The following AMN1 variants were observed in gnomAD, a reference collection of about 807,000 sequenced individuals.
AMN1 encodes the protein antagonist of mitotic exit network 1 homolog, also known as protein AMN1 homolog.
Under a neutral mutation model 33.0 loss-of-function variants are expected in AMN1, and 20 were observed. That is an observed-to-expected ratio of 0.61 (90% CI 0.43 to 0.88). The LOEUF (loss-of-function observed/expected upper bound fraction) is 0.88. Ranked by LOEUF, AMN1 falls within the 40% of genes least tolerant of loss-of-function variation. The pLI is 0.00. For synonymous variants in AMN1, 114 were observed against 111.9 expected (o/e 1.02, Z -0.12); for missense variants, 246 against 307.4 (o/e 0.80, Z 1.49).
Position 31,697,900 on chromosome 12 carries a change from C to T in AMN1, c.374G>A (p.Cys125Tyr). ...SYLHEASLKR[C>Y]CNLTDEGVVA... ...GACTCCTTCGTCAGTGAGATTGCAG[C>T]ATCTTTTCAAAGAAGCTTCGTGTAG... Residue 125 changes from cysteine (C) to tyrosine (Y), a missense_variant, in exon 4 of 7, where the codon TGC becomes TAC. Physicochemically the swap from Cys to Tyr is radical, Grantham distance 194. Coordinates refer to ENST00000281471, the MANE Select transcript of AMN1 (RefSeq NM_001113402.2). 6.2e-7 allele frequency: 1 copy of T among 1,613,976 alleles called. No homozygotes were observed. Among genetic ancestry groups the T allele is most frequent in the Non-Finnish European group, 8.5e-7 (1 of 1,179,884 alleles).
chr12:31,687,759 A>G lies in AMN1; in HGVS notation c.703+1248T>C, dbSNP rs1262155861. The stretch of plus-strand genomic sequence containing the variant: ...GAAAAATGAGCTGGAAGGACTGGGC[A>G]TAACTACTGATTTACAAGTTAGATC... On this transcript the variant is annotated intron_variant, in intron 6 of 6. Coordinates refer to ENST00000281471, the MANE Select transcript of AMN1 (RefSeq NM_001113402.2). The surrounding 1 kb of genome is among the most constrained non-coding windows in gnomAD (Gnocchi z 4.1). Among the ~76,000 whole-genome samples, 3 of 152,126 alleles carry G rather than the reference A, an allele frequency of 2.0e-5. No homozygotes were observed. The highest frequency in any genetic ancestry group is 4.4e-5 in the Non-Finnish European group (3 of 68,030).
In AMN1 at chr12:31,686,321, T is replaced by A. The variant is rs576715860; in HGVS notation, c.703+2686A>T. ...TTAGCTGGGTAGGGTGGTGCAAGCC[T>A]GTAATCCCAGCTACTTGGGAGGCTG... is the stretch of plus-strand genomic sequence containing the variant. On this transcript the variant is annotated intron_variant, in intron 6 of 6. Coordinates refer to ENST00000281471, the MANE Select transcript of AMN1 (RefSeq NM_001113402.2). Among the ~76,000 whole-genome samples, 17 of 152,228 alleles carry A rather than the reference T, an allele frequency of 1.1e-4. No individual in the cohort carries two copies. In the South Asian group the frequency reaches 3.1e-3, roughly 28 times the overall value.
chr12:31,707,332 G>C lies in AMN1; in HGVS notation c.171+1961C>G, dbSNP rs912355236. Among the ~76,000 whole-genome samples, 4 of 152,208 alleles carry C rather than the reference G, an allele frequency of 2.6e-5. No individual in the cohort carries two copies. In the East Asian group the frequency reaches 5.8e-4, roughly 22 times the overall value. ...AAAGTTTTAAACTTTTTGAAAACAC[G>C]GAGGTCAAGGGTACAGGTACCATGA... is the stretch of plus-strand genomic sequence containing the variant. On this transcript the variant is annotated intron_variant, in intron 2 of 6. Transcript: ENST00000281471.
At chr12:31,682,432 G>C (rs1044698744) in intron 6 of AMN1, among the ~76,000 whole-genome samples, 2 of 151,242 alleles carry the variant, frequency 1.3e-5, no homozygotes, top group Non-Finnish European at 2.9e-5. Context: ...CTACTCAGAA[G>C]GGGGAGGGTA....
At chr12:31,726,158 T>C (rs1281289301) in intron 1 of AMN1, among the ~76,000 whole-genome samples, 1 of 70,530 alleles carries the variant, frequency 1.4e-5, no homozygotes, top group Non-Finnish European at 2.8e-5. Context: ...AAAAGAGTAA[T>C]TTCTTTTTTT....
chr12:31,683,077 G>A lies in AMN1; in HGVS notation c.703+5930C>T, dbSNP rs558711593. Among the ~76,000 whole-genome samples the A allele has an allele frequency of 3.8e-4, 57 of 151,340 alleles. No homozygotes were observed. Among genetic ancestry groups the A allele is most frequent in the Non-Finnish European group, 5.7e-4 (39 of 67,912 alleles). On this transcript the variant is annotated intron_variant, in intron 6 of 6. Transcript: ENST00000281471. The surrounding 1 kb of genome is among the most constrained non-coding windows in gnomAD (Gnocchi z 4.1). Reference sequence around the variant, plus strand: ...CCCCAGGCTCAAGTGATCCTCATGCGTCAGCCATCAGAGTAGCTGGGATTA... The same window carrying A: ...CCCCAGGCTCAAGTGATCCTCATGCATCAGCCATCAGAGTAGCTGGGATTA...
chr12:31,728,954 G>A lies in AMN1; in HGVS notation c.38+17C>T. 3 of 1,543,590 alleles carry A rather than the reference G, an allele frequency of 1.9e-6. No homozygotes were observed. The highest frequency in any genetic ancestry group is 2.6e-6 in the Non-Finnish European group (3 of 1,141,820). ...TGCTGGGGCGGCGCGAAGGGAGGCG[G>A]GACAGGGTAGACTCACAGATCCAGG... On this transcript the variant is annotated intron_variant, in intron 1 of 6. Coordinates refer to ENST00000281471, the MANE Select transcript of AMN1 (RefSeq NM_001113402.2).
At chr12:31,711,178 T>G (rs1939451758) in intron 1 of AMN1, among the ~76,000 whole-genome samples, 1 of 152,012 alleles carries the variant, frequency 6.6e-6, no homozygotes, top group Admixed American at 6.6e-5. Flanking sequence ...CCAGCCCTAT[T>G]TATTTATTTT....
intron 4 of AMN1, 66 bp downstream of exon 4, chr12:31,697,674 C>A: frequency 3.3e-6 from 5 of 1,501,928 alleles, no homozygotes; most frequent in Non-Finnish European, 4.6e-6. Flanking sequence ...GATATGTTCT[C>A]ATTAGTCATG....
chr12:31,678,969 CAGCTTT>C (rs774574214), intron 6 of AMN1, among the ~76,000 whole-genome samples: 18 of 151,940 alleles, frequency 1.2e-4, no homozygotes, highest in Non-Finnish European at 2.4e-4. Flanking sequence ...AGCAAGGAAC[CAGCTTT>C]AATTAAAGGG....
chr12:31,691,402 CA>C (rs566839218), intron 5 of AMN1, among the ~76,000 whole-genome samples: 1 of 151,414 alleles, frequency 6.6e-6, no homozygotes, highest in Non-Finnish European at 1.5e-5. Context: ...GGACCAGAGA[CA>C]AAAAAACAAA....
intron 6 of AMN1, among the ~76,000 whole-genome samples, chr12:31,682,367 G>C (rs1938053963): frequency 6.6e-6 from 1 of 152,130 alleles, no homozygotes; most frequent in African/African-American, 2.4e-5. Flanking sequence ...TTGTATGCCG[G>C]GAAGTCCCTC....
intron 1 of AMN1, among the ~76,000 whole-genome samples, chr12:31,713,240 A>ATC (rs571245943): frequency 1.6e-3 from 243 of 152,244 alleles, no homozygotes; most frequent in Admixed American, 2.9e-3. Flanking sequence ...ATGTATAAGT[A>ATC]TCTCTCTCCA....
rs549985860 is a variant in AMN1, at chr12:31,671,917, C to A, written c.*387G>T. The stretch of plus-strand genomic sequence containing the variant: ...TTAGAAATATGTTTACTTAGATTCT[C>A]CCAAGGTTTATACTTACAGGTAAAC... On this transcript the variant is annotated 3_prime_UTR_variant, in exon 7 of 7. Transcript: ENST00000281471. 1 of 156,950 alleles carries A rather than the reference C, an allele frequency of 6.4e-6. No homozygotes were observed. Among genetic ancestry groups the A allele is most frequent in the African/African-American group, 2.4e-5 (1 of 41,672 alleles). 9.7% of individuals were successfully genotyped at this position (156,950 alleles called of 1,614,324 possible).
intron 5 of AMN1, among the ~76,000 whole-genome samples, chr12:31,693,546 TTTC>T (rs1203368732): frequency 3.3e-5 from 5 of 150,658 alleles, no homozygotes; most frequent in African/African-American, 4.9e-5. Flanking sequence ...ATTTTTCTTT[TTTC>T]TTTTTTTTTT....
chr12:31,696,497 T>C (rs1000274950), intron 5 of AMN1, among the ~76,000 whole-genome samples: 12 of 152,126 alleles, frequency 7.9e-5, no homozygotes, highest in Admixed American at 7.9e-4. Flanking sequence ...TACTGTTAAA[T>C]AGCATAGTTA....
intron 1 of AMN1, among the ~76,000 whole-genome samples, chr12:31,710,206 C>T (rs1342238137): frequency 2.0e-5 from 3 of 152,066 alleles, no homozygotes; most frequent in Non-Finnish European, 2.9e-5. Flanking sequence ...AAACTCAGTG[C>T]CAGGGTTGTA....
At chr12:31,722,401 C>G (rs1274449485) in intron 1 of AMN1, among the ~76,000 whole-genome samples, 1 of 152,168 alleles carries the variant, frequency 6.6e-6, no homozygotes, top group African/African-American at 2.4e-5. Flanking sequence ...CACCCCTTAT[C>G]ATCCTTAGGG....
chr12:31,704,231 C>T (rs756877786), intron 2 of AMN1, among the ~76,000 whole-genome samples: 5 of 152,118 alleles, frequency 3.3e-5, no homozygotes, highest in Non-Finnish European at 1.5e-5. Context: ...CTATTGCTAA[C>T]ATTGGGTTTT....
Sources: gnomAD v4.1 joint callset for allele counts (sites outside exome capture counted in the v4.1 genomes callset) on GRCh38, gnomAD v4.1.1 for gene constraint, Gnocchi (gnomAD v3.1) non-coding constraint, MANE v1.5 for transcripts, NCBI Gene and HGNC (gene_info 2026-07-23, HGNC 2026-07-21) for gene names.